Variants in LUZP2 observed in about 807,000 individuals in gnomAD.
LUZP2 encodes leucine zipper protein 2.
In LUZP2, 52 loss-of-function variants were observed where a neutral mutation model predicts 51.6. That is an observed-to-expected ratio of 1.01 (90% CI 0.81 to 1.27). The LOEUF (loss-of-function observed/expected upper bound fraction) is 1.27. Ranked by LOEUF, LUZP2 falls within the 50% of genes most tolerant of loss-of-function variation. LUZP2 has a pLI of 0.00. For missense variants in LUZP2, 436 were observed against 395.4 expected, an observed-to-expected ratio of 1.10 and a Z score of -0.87; for synonymous variants, 154 against 137.3, an observed-to-expected ratio of 1.12 and a Z score of -0.85.
intron 5 of LUZP2, among the ~76,000 whole-genome samples, chr11:24,865,027 G>A (rs533311984): frequency 3.3e-5 from 5 of 152,236 alleles, no homozygotes; most frequent in East Asian, 1.9e-4. Context: ...CTTATTCTAC[G>A]TTTATTACTG....
At chr11:24,990,710 C>A (rs1454414001) in intron 9 of LUZP2, among the ~76,000 whole-genome samples, 1 of 151,894 alleles carries the variant, frequency 6.6e-6, no homozygotes, top group Non-Finnish European at 1.5e-5. Flanking sequence ...CCTGAGAGTT[C>A]AAGATTTTAA....
intron 5 of LUZP2, among the ~76,000 whole-genome samples, chr11:24,805,849 G>A (rs1564916757): frequency 6.6e-6 from 1 of 152,132 alleles, no homozygotes; most frequent in Non-Finnish European, 1.5e-5. Flanking sequence ...GATGATGTAG[G>A]TTAATCATCC....
chr11:24,833,717 C>CACAT (rs1260176061), intron 5 of LUZP2, among the ~76,000 whole-genome samples: 1 of 147,744 alleles, frequency 6.8e-6, no homozygotes, highest in East Asian at 2.0e-4. Context: ...CGCGCGCACA[C>CACAT]ACACACACAC....
chr11:24,922,147 A>G (rs1198543650), intron 7 of LUZP2, among the ~76,000 whole-genome samples: 1 of 152,176 alleles, frequency 6.6e-6, no homozygotes, highest in Non-Finnish European at 1.5e-5. Context: ...CTATCCCTAT[A>G]GCATATGTTT....
At chr11:25,028,678 T>A (rs150116367) in intron 9 of LUZP2, among the ~76,000 whole-genome samples, 3,732 of 147,042 alleles carry the variant, frequency 0.025, 83 homozygotes, top group Non-Finnish European at 0.033. Flanking sequence ...ATGTACCATT[T>A]TTAATTTGCA....
At chr11:24,780,151 A>G (rs2134072047) in intron 5 of LUZP2, among the ~76,000 whole-genome samples, 1 of 152,306 alleles carries the variant, frequency 6.6e-6, no homozygotes, top group East Asian at 1.9e-4. Context: ...GAAGTAGGGC[A>G]GGTATTCAGG....
At chr11:24,945,909 C>G (rs1854886081) in intron 7 of LUZP2, among the ~76,000 whole-genome samples, 1 of 151,982 alleles carries the variant, frequency 6.6e-6, no homozygotes, top group Non-Finnish European at 1.5e-5. Context: ...CACTAGAATT[C>G]AATTTTAGAA....
intron 1 of LUZP2, among the ~76,000 whole-genome samples, chr11:24,598,832 T>A (rs1489524824): frequency 6.6e-6 from 1 of 152,100 alleles, no homozygotes; most frequent in Non-Finnish European, 1.5e-5. Context: ...AGAAAAACAA[T>A]TCCAAAGATA....
At chr11:24,742,649 G>C (rs1859226133) in intron 4 of LUZP2, among the ~76,000 whole-genome samples, 1 of 152,020 alleles carries the variant, frequency 6.6e-6, no homozygotes, top group Admixed American at 6.6e-5. Flanking sequence ...TGTGTTGTCT[G>C]TTTACTCTGC....
chr11:24,905,254 G>A lies in LUZP2; in HGVS notation c.397-737G>A, dbSNP rs141668933. Among the ~76,000 whole-genome samples the A allele has an allele frequency of 4.2e-3, 646 of 152,200 alleles. 9 individuals carry two copies. In the East Asian group the frequency reaches 0.048, roughly 11 times the overall value. On this transcript the variant is annotated intron_variant, in intron 5 of 11. Transcript: ENST00000336930. ...GAAACATCAGAGTAAGGCCAGGTGCGGTGGCTGATACCTGTAATCCCAGCA... is the reference window on the plus strand; with the variant it reads ...GAAACATCAGAGTAAGGCCAGGTGCAGTGGCTGATACCTGTAATCCCAGCA...
chr11:24,750,730 A>G (rs1459353191), intron 4 of LUZP2, among the ~76,000 whole-genome samples: 1 of 152,156 alleles, frequency 6.6e-6, no homozygotes, highest in Non-Finnish European at 1.5e-5. Context: ...TAAGTCTTCC[A>G]TGCCTACTAG....
chr11:24,613,026 C>A (rs1854171393), intron 1 of LUZP2, among the ~76,000 whole-genome samples: 1 of 152,008 alleles, frequency 6.6e-6, no homozygotes, highest in East Asian at 1.9e-4. Flanking sequence ...ATGTCCATGC[C>A]AACTCTTATG....
chr11:24,512,277 C>T (rs1207896726), intron 1 of LUZP2, among the ~76,000 whole-genome samples: 1 of 152,060 alleles, frequency 6.6e-6, no homozygotes, highest in Non-Finnish European at 1.5e-5. Context: ...ACCTTAAGAA[C>T]CATCTTAGAA....
Position 25,078,912 on chromosome 11 carries a change from G to T in LUZP2, c.*254G>T. 2.9e-6 allele frequency: 1 copy of T among 350,448 alleles called. No homozygotes were observed. The highest frequency in any genetic ancestry group is 5.1e-6 in the Non-Finnish European group (1 of 196,166). 21.7% of individuals were successfully genotyped at this position (350,448 alleles called of 1,614,324 possible). On this transcript the variant is annotated 3_prime_UTR_variant, in exon 12 of 12. Coordinates refer to ENST00000336930, the MANE Select transcript of LUZP2 (RefSeq NM_001009909.4). ...TAAATTGTCCCATATAAATTGGTCT[G>T]GTTTAACTCAAATGCTATCTAACAT...
intron 1 of LUZP2, among the ~76,000 whole-genome samples, chr11:24,672,588 T>C (rs891628777): frequency 6.6e-6 from 1 of 152,186 alleles, no homozygotes; most frequent in African/African-American, 2.4e-5. Flanking sequence ...AAAAAACTAC[T>C]GTCTTTGCTT....
At chr11:24,937,181 G>A (rs1381544119) in intron 7 of LUZP2, among the ~76,000 whole-genome samples, 1 of 152,098 alleles carries the variant, frequency 6.6e-6, no homozygotes, top group African/African-American at 2.4e-5. Context: ...TTGATTAACT[G>A]ACATATAAAA....
At chr11:24,638,535 A>G (rs1484298979) in intron 1 of LUZP2, among the ~76,000 whole-genome samples, 2 of 151,702 alleles carry the variant, frequency 1.3e-5, no homozygotes, top group East Asian at 3.9e-4. Context: ...TAAAAATTCA[A>G]AGTATACAGT....
At chr11:24,590,876 T>C (rs545859971) in intron 1 of LUZP2, among the ~76,000 whole-genome samples, 2 of 152,316 alleles carry the variant, frequency 1.3e-5, no homozygotes, top group Non-Finnish European at 2.9e-5. Context: ...TTGATTTATG[T>C]ACAGATCTGA....
intron 4 of LUZP2, among the ~76,000 whole-genome samples, chr11:24,762,690 G>A (rs771401488): frequency 1.2e-4 from 18 of 152,114 alleles, no homozygotes; most frequent in South Asian, 2.1e-4. Context: ...ACTCGGGCAG[G>A]TAATGCTATT....
Sources: gnomAD v4.1 joint callset for allele counts (sites outside exome capture counted in the v4.1 genomes callset) on GRCh38, gnomAD v4.1.1 for gene constraint, MANE v1.5 for transcripts, NCBI Gene and HGNC (gene_info 2026-07-23, HGNC 2026-07-21) for gene names.